Variants in KIAA1671 observed in about 807,000 individuals in gnomAD.
KIAA1671 encodes uncharacterized protein KIAA1671.
In KIAA1671, 52 loss-of-function variants were observed where a neutral mutation model predicts 131.2. The ratio of observed to expected loss-of-function variants is 0.40; its 90% CI spans 0.32 to 0.50. KIAA1671 has a LOEUF of 0.50. Among genes scored for constraint, KIAA1671 ranks in the 20% least tolerant of loss-of-function variants. The pLI is 0.73. For missense variants in KIAA1671, 2,360 were observed against 2,364.2 expected (o/e 1.00, Z 0.04); for synonymous variants, 1,003 against 961.6 (o/e 1.04, Z -0.80).
intron 6 of KIAA1671, among the ~76,000 whole-genome samples, chr22:25,107,957 G>A (rs1369466281): frequency 2.6e-5 from 4 of 152,086 alleles, no homozygotes; most frequent in Non-Finnish European, 1.5e-5. Context: ...GCAGTGAGCT[G>A]ATATCACGCC....
intron 6 of KIAA1671, among the ~76,000 whole-genome samples, chr22:25,078,602 G>A (rs1929234520): frequency 6.6e-6 from 1 of 152,140 alleles, no homozygotes; most frequent in African/African-American, 2.4e-5. Context: ...GAAAGCTATT[G>A]TGGGGACAAA....
In KIAA1671 at chr22:24,989,967, T is replaced by A. The variant is rs1281173620; in HGVS notation, c.-207-35666T>A. On this transcript the variant is annotated intron_variant, in intron 1 of 12. Transcript: ENST00000358431. Reference sequence around the variant, plus strand: ...GTAGAGAGCTTTTTCTAGCTCTTTGTTAAACATTAAAAACATATTCTTTTG... The same window carrying A: ...GTAGAGAGCTTTTTCTAGCTCTTTGATAAACATTAAAAACATATTCTTTTG... 5.9e-5 allele frequency among the ~76,000 whole-genome samples: 9 copies of A among 152,314 alleles called. No individual in the cohort carries two copies. In the South Asian group the frequency reaches 1.7e-3, roughly 28 times the overall value.
At chr22:25,033,004 G>A (rs1252199503) in intron 4 of KIAA1671, among the ~76,000 whole-genome samples, 1 of 152,054 alleles carries the variant, frequency 6.6e-6, no homozygotes, top group Non-Finnish European at 1.5e-5. Flanking sequence ...TAAAATTTAG[G>A]TTTAAGATGT....
At chr22:25,005,377 T>TTG (rs1924698371) in intron 1 of KIAA1671, among the ~76,000 whole-genome samples, 1 of 149,584 alleles carries the variant, frequency 6.7e-6, no homozygotes, top group African/African-American at 2.5e-5. Context: ...AAAAAAGAAA[T>TTG]TGAAAGGTTA....
intron 1 of KIAA1671, among the ~76,000 whole-genome samples, chr22:25,000,514 T>C (rs912147543): frequency 1.5e-5 from 2 of 136,982 alleles, no homozygotes; most frequent in African/African-American, 5.5e-5. Flanking sequence ...TTTTTTTAAA[T>C]GTAGCTTTCG....
intron 1 of KIAA1671, among the ~76,000 whole-genome samples, chr22:25,004,529 GTCTC>G (rs1924637592): frequency 6.6e-6 from 1 of 152,176 alleles, no homozygotes; most frequent in South Asian, 2.1e-4. Context: ...ACAGTGAAAA[GTCTC>G]TCTCCCATCC....
chr22:25,037,805 A>G (rs1057180363), intron 4 of KIAA1671, among the ~76,000 whole-genome samples: 2 of 152,230 alleles, frequency 1.3e-5, no homozygotes, highest in South Asian at 2.1e-4. Flanking sequence ...TTCAAAATTC[A>G]TCCACGGTGT....
intron 6 of KIAA1671, among the ~76,000 whole-genome samples, chr22:25,154,674 C>A (rs1196467927): frequency 6.6e-6 from 1 of 152,228 alleles, no homozygotes; most frequent in Admixed American, 6.5e-5. Flanking sequence ...TTCCCCCTTT[C>A]CCTGGGGTGG....
chr22:24,981,090 T>TGTGTGTG (rs1555949694), intron 1 of KIAA1671, among the ~76,000 whole-genome samples: 1 of 124,886 alleles, frequency 8.0e-6, no homozygotes, highest in Non-Finnish European at 1.7e-5. Context: ...GTGTGTGTGT[T>TGTGTGTG]TTTACTGTAT....
chr22:24,987,177 T>TA (rs1569199170), intron 1 of KIAA1671, among the ~76,000 whole-genome samples: 1,628 of 150,950 alleles, frequency 0.011, 32 homozygotes, highest in African/African-American at 0.038. Context: ...TATTATTTTT[T>TA]TTTTTTTTTC....
At chr22:25,003,603 G>T (rs1394049317) in intron 1 of KIAA1671, among the ~76,000 whole-genome samples, 1 of 151,442 alleles carries the variant, frequency 6.6e-6, no homozygotes. Context: ...TAGTAGAGAC[G>T]GGGTTTCACT....
chr22:25,029,100 C>G lies in KIAA1671; in HGVS notation c.1101C>G (p.Pro367=). 6.7e-7 allele frequency: 1 copy of G among 1,482,158 alleles called. No individual in the cohort carries two copies. 91.8% of individuals were successfully genotyped at this position (1,482,158 alleles called of 1,614,324 possible). Residue 367 remains proline, a synonymous_variant, in exon 3 of 13, where the codon CCC becomes CCG. Coordinates refer to ENST00000358431, the MANE Select transcript of KIAA1671 (RefSeq NM_001145206.2). ...KMLSKPEMGS[P]RALVGGSSGV... is the part of the protein sequence containing the mutation. Reference sequence around the variant, plus strand: ...TTTCGAAGCCGGAGATGGGCAGCCCCAGAGCCCTGGTGGGGGGCTCATCTG... The same window carrying G: ...TTTCGAAGCCGGAGATGGGCAGCCCGAGAGCCCTGGTGGGGGGCTCATCTG...
intron 1 of KIAA1671, among the ~76,000 whole-genome samples, chr22:25,020,745 A>G (rs902976847): frequency 6.6e-6 from 1 of 152,226 alleles, no homozygotes; most frequent in Non-Finnish European, 1.5e-5. Context: ...AGGGCAGTGC[A>G]GAGGCATGAA....
chr22:25,039,803 G>A lies in KIAA1671; in HGVS notation c.2673G>A (p.Thr891=), dbSNP rs1926812919. ...CCCTCGATCCTCTTTCCAGGGCTAC[G>A]AATGGGCCTTCTGACTCCCAAGCAC... ...GCPLDPLSRA[T]NGPSDSQART... The change falls in exon 5 of 13, where the codon ACG becomes ACA. Residue 891 remains threonine (T), a synonymous_variant. Coordinates refer to ENST00000358431, the MANE Select transcript of KIAA1671 (RefSeq NM_001145206.2). 5 of 1,521,368 alleles carry A rather than the reference G, an allele frequency of 3.3e-6. No homozygotes were observed. The highest frequency in any genetic ancestry group is 1.7e-4 in the Middle Eastern group (1 of 5,838). The allele number at this position is 1,521,368 out of a possible 1,614,324, so 94.2% of individuals were successfully genotyped here.
intron 1 of KIAA1671, among the ~76,000 whole-genome samples, chr22:25,001,489 C>T (rs552085973): frequency 1.3e-5 from 2 of 152,116 alleles, no homozygotes; most frequent in African/African-American, 4.8e-5. Flanking sequence ...TGATGCCTGC[C>T]CCAATGTGGA....
Position 25,019,496 on chromosome 22 carries a change from A to C in KIAA1671, c.-207-6137A>C, listed in dbSNP as rs1291995776. On this transcript the variant is annotated intron_variant, in intron 1 of 12. Coordinates refer to ENST00000358431, the MANE Select transcript of KIAA1671 (RefSeq NM_001145206.2). ...TGATGGAAAGACAGCTCAGAGGAAAACCTCTGGTATTGAGATGTAAAAAAA... is the reference window on the plus strand; with the variant it reads ...TGATGGAAAGACAGCTCAGAGGAAACCCTCTGGTATTGAGATGTAAAAAAA... Among the ~76,000 whole-genome samples the C allele has an allele frequency of 2.8e-4, 43 of 151,946 alleles. 1 individual carries two copies. Among genetic ancestry groups the C allele is most frequent in the Non-Finnish European group, 1.5e-4 (10 of 68,004 alleles).
intron 6 of KIAA1671, among the ~76,000 whole-genome samples, chr22:25,163,150 A>C (rs565556924): frequency 1.3e-4 from 20 of 152,044 alleles, no homozygotes; most frequent in African/African-American, 4.8e-4. Flanking sequence ...CAACACGGTG[A>C]AACCTTGTCT....
At chr22:25,158,459 G>C (rs1568985415) in intron 6 of KIAA1671, among the ~76,000 whole-genome samples, 3 of 152,152 alleles carry the variant, frequency 2.0e-5, no homozygotes, top group Admixed American at 6.5e-5. Flanking sequence ...TCTATGATGG[G>C]GTGAGCACAG....
At chr22:24,977,227 C>T (rs189289869) in intron 1 of KIAA1671, among the ~76,000 whole-genome samples, 2 of 152,280 alleles carry the variant, frequency 1.3e-5, no homozygotes, top group East Asian at 3.9e-4. Context: ...GACCTTGCAA[C>T]CTCGGAATTG....
Sources: gnomAD v4.1 joint callset for allele counts (sites outside exome capture counted in the v4.1 genomes callset) on GRCh38, gnomAD v4.1.1 for gene constraint, MANE v1.5 for transcripts, NCBI Gene and HGNC (gene_info 2026-07-23, HGNC 2026-07-21) for gene names.